SULT6B1: variants seen among roughly 807,000 people sequenced by gnomAD.
The protein encoded by SULT6B1 is sulfotransferase family 6B member 1.
A neutral mutation model predicts 37.2 loss-of-function variants in SULT6B1; 44 were observed. The ratio of observed to expected loss-of-function variants is 1.18; its 90% CI spans 0.93 to 1.52. SULT6B1 has a LOEUF of 1.52. Ranked by LOEUF, SULT6B1 falls within the 40% of genes most tolerant of loss-of-function variation. The pLI is 0.00. For synonymous variants in SULT6B1, 140 were observed against 126.0 expected (o/e 1.11, Z -0.74); for missense variants, 450 against 361.0 (o/e 1.25, Z -2.00).
intron 5 of SULT6B1, 90 bp downstream of exon 5, chr2:37,175,042 T>C (rs1008988871): frequency 2.0e-5 from 14 of 696,968 alleles, no homozygotes; most frequent in Non-Finnish European, 3.1e-5. Context: ...TTGAACACCA[T>C]ATTTGTTTAT....
At chr2:37,185,612 AGAGGCT>A (rs750095324) in intron 2 of SULT6B1, among the ~76,000 whole-genome samples, 1 of 149,620 alleles carries the variant, frequency 6.7e-6, no homozygotes, top group Non-Finnish European at 1.5e-5. Context: ...CAGCTACTCG[AGAGGCT>A]GAGGCAGGAG....
intron 1 of SULT6B1, 46 bp from the exon 2 acceptor site, chr2:37,187,513 A>G: frequency 8.2e-7 from 1 of 1,216,900 alleles, no homozygotes; most frequent in Non-Finnish European, 1.2e-6. Flanking sequence ...GAGTCTTGAT[A>G]TAACAAAAGG....
chr2:37,186,363 C>T (rs1676673587), intron 2 of SULT6B1, among the ~76,000 whole-genome samples: 1 of 152,062 alleles, frequency 6.6e-6, no homozygotes, highest in Non-Finnish European at 1.5e-5. Flanking sequence ...CTGTCCAAGC[C>T]CTGAAGTCCT....
chr2:37,194,673 G>T (rs1676856959), intron 1 of SULT6B1: 1 of 243,472 alleles, frequency 4.1e-6, no homozygotes, highest in East Asian at 1.2e-4. Flanking sequence ...GTATTCTTGG[G>T]TCATCACCTC....
chr2:37,179,663 C>T (rs1676508046), intron 3 of SULT6B1, 79 bp from the exon 4 acceptor site: 2 of 1,262,494 alleles, frequency 1.6e-6, no homozygotes, highest in Admixed American at 1.9e-5. Context: ...GCAATATCAT[C>T]ATGTCCACTC....
At chr2:37,182,253 ATTTT>A (rs56665951) in intron 3 of SULT6B1, among the ~76,000 whole-genome samples, 49 of 137,410 alleles carry the variant, frequency 3.6e-4, no homozygotes, top group South Asian at 1.6e-3. Context: ...CAGAAGTTAA[ATTTT>A]TTTTTTTTTT....
chr2:37,171,328 G>T, intron 6 of SULT6B1, 106 bp downstream of exon 6: 1 of 1,392,328 alleles, frequency 7.2e-7, no homozygotes, highest in Non-Finnish European at 9.7e-7. Flanking sequence ...CTGAGGCGGA[G>T]AAAAATAAAA....
chr2:37,170,993 C>T (rs993644158), intron 6 of SULT6B1, among the ~76,000 whole-genome samples: 17 of 151,916 alleles, frequency 1.1e-4, no homozygotes, highest in African/African-American at 4.1e-4. Flanking sequence ...AATCCCAGCA[C>T]TTCGGGAGGC....
intron 2 of SULT6B1, among the ~76,000 whole-genome samples, chr2:37,185,717 CAA>C (rs200087048): frequency 1.8e-4 from 15 of 83,384 alleles, no homozygotes; most frequent in South Asian, 4.3e-4. Context: ...GACTCCATTT[CAA>C]AAAAAAAAAA....
At chr2:37,192,356 G>A (rs1292055657), upstream of SULT6B1, among the ~76,000 whole-genome samples, 1 of 152,144 alleles carries the variant, frequency 6.6e-6, no homozygotes, top group Non-Finnish European at 1.5e-5. Flanking sequence ...TTTTACAGAG[G>A]GGAAAGAACT....
chr2:37,172,118 A>AC (rs1676317296), intron 5 of SULT6B1, among the ~76,000 whole-genome samples: 1 of 151,404 alleles, frequency 6.6e-6, no homozygotes, highest in African/African-American at 2.4e-5. Context: ...GGGCACAATC[A>AC]CGGCTCACTG....
chr2:37,168,323 G>A (rs572477917), intron 6 of SULT6B1, among the ~76,000 whole-genome samples: 5 of 152,118 alleles, frequency 3.3e-5, no homozygotes, highest in African/African-American at 7.2e-5. Flanking sequence ...CACCACACCC[G>A]GCTAATGTAT....
At chr2:37,181,342 A>C (rs1231003611) in intron 3 of SULT6B1, among the ~76,000 whole-genome samples, 9 of 152,146 alleles carry the variant, frequency 5.9e-5, no homozygotes, top group Admixed American at 5.9e-4. Flanking sequence ...GAGTATGAAC[A>C]AATTCCCCAC....
rs551712122 is a variant in SULT6B1, at chr2:37,174,950, T to C, written c.624+182A>G. Among the ~76,000 whole-genome samples the C allele has an allele frequency of 2.0e-5, 3 of 152,370 alleles. No homozygotes were observed. The East Asian group carries it at 5.8e-4, about 29-fold the overall frequency. On this transcript the variant is annotated intron_variant, in intron 5 of 6. Coordinates refer to ENST00000535679, the MANE Select transcript of SULT6B1 (RefSeq NM_001367551.1). ...TTGCTAAGCGTTATTTTATTTCTGTTAAATAAACAACCTAAGCATGTATGC... is the reference window on the plus strand; with the variant it reads ...TTGCTAAGCGTTATTTTATTTCTGTCAAATAAACAACCTAAGCATGTATGC...
rs375332511 is a variant in SULT6B1 at position 37,171,487 on chromosome 2, C to G, written c.728G>C (p.Arg243Pro). 2.5e-6 allele frequency: 4 copies of G among 1,614,062 alleles called. No homozygotes were observed. The highest frequency in any genetic ancestry group is 1.7e-5 in the Admixed American group (1 of 59,998). Residue 243 changes from arginine to proline, a missense_variant, in exon 6 of 7, where the codon CGT (arginine) becomes CCT (proline). Arg to Pro is a moderately radical substitution (Grantham distance 103, BLOSUM62 -2). Coordinates refer to ENST00000535679, the MANE Select transcript of SULT6B1 (RefSeq NM_001367551.1). ...ISVQSTFQAM[R>P]AKSQDTHGAV... The stretch of plus-strand genomic sequence containing the variant: ...ACCGTGTGTGTCCTGAGACTTCGCA[C>G]GCATGGCTTGGAAGGTGCTCTGGAC...
Position 37,180,165 on chromosome 2 carries a change from C to A in SULT6B1, c.403-581G>T, listed in dbSNP as rs115536707. The stretch of plus-strand genomic sequence containing the variant: ...AACCAAAAGATTGCAGAGGATCACA[C>A]GTCTGCTCTGAGTTCAGCCTTCTGG... On this transcript the variant is annotated intron_variant, in intron 3 of 6. Transcript: ENST00000535679. 1.9e-3 allele frequency among the ~76,000 whole-genome samples: 284 copies of A among 152,304 alleles called. 1 individual carries two copies. The highest frequency in any genetic ancestry group is 6.6e-3 in the African/African-American group (273 of 41,552).
intron 3 of SULT6B1, among the ~76,000 whole-genome samples, chr2:37,181,262 A>T (rs1169062218): frequency 6.6e-6 from 1 of 152,190 alleles, no homozygotes; most frequent in African/African-American, 2.4e-5. Context: ...ACTACCACTC[A>T]GTTGCCCTGG....
In SULT6B1 at chr2:37,185,610, C is replaced by T. The variant is rs536097548; in HGVS notation, c.312+1745G>A. On this transcript the variant is annotated intron_variant, in intron 2 of 6. Transcript: ENST00000535679. The stretch of plus-strand genomic sequence containing the variant: ...GCGCACACCTATAATCCCAGCTACT[C>T]GAGAGGCTGAGGCAGGAGAATTGCT... Among the ~76,000 whole-genome samples, 22 of 150,172 alleles carry T rather than the reference C, an allele frequency of 1.5e-4. No homozygotes were observed. The East Asian group carries it at 2.2e-3, about 15-fold the overall frequency.
upstream of SULT6B1, among the ~76,000 whole-genome samples, chr2:37,193,614 A>AGAAGAAGAAGAAGAAGAG (rs1558454895): frequency 3.9e-4 from 58 of 149,594 alleles, no homozygotes; most frequent in African/African-American, 1.4e-3. Context: ...AAGAAGAAGA[A>AGAAGAAGAAGAAGAAGAG]GAAGAAGAAG....
Sources: gnomAD v4.1 joint callset for allele counts (sites outside exome capture counted in the v4.1 genomes callset) on GRCh38, gnomAD v4.1.1 for gene constraint, MANE v1.5 for transcripts, NCBI Gene and HGNC (gene_info 2026-07-23, HGNC 2026-07-21) for gene names.